Variants in DOCK4 observed in about 807,000 individuals in gnomAD.
DOCK4 encodes the protein dedicator of cytokinesis protein 4.
DOCK4 carries 97 observed loss-of-function variants against 268.1 expected under a neutral mutation model. The observed-to-expected ratio is 0.36, with a 90% CI of 0.31 to 0.43. The LOEUF (loss-of-function observed/expected upper bound fraction) is 0.43, where lower values mean the gene tolerates loss of function less well. DOCK4 is among the 20% of genes least tolerant of loss of function. DOCK4 has a pLI of 1.00. For missense variants in DOCK4, 2,145 were observed against 2,455.7 expected (o/e 0.87, Z 2.67); for synonymous variants, 954 against 887.2 (o/e 1.08, Z -1.34).
chr7:112,097,013 T>C (rs551305619), intron 1 of DOCK4, among the ~76,000 whole-genome samples: 22 of 152,198 alleles, frequency 1.4e-4, no homozygotes, highest in African/African-American at 5.3e-4. Context: ...TGGAGGACCT[T>C]AAAGCAGAGC....
In DOCK4 at chr7:111,788,662, A is replaced by G. The variant is rs1799335484; in HGVS notation, c.3401T>C (p.Ile1134Thr). ...DETYRELFNS[I>T]IPLFGPYPSL... The stretch of plus-strand genomic sequence containing the variant: ...AACTTGAGATAAACATATTACTCAC[A>G]TACTGTTGAAGAGCTCGCGGTATGT... Residue 1134 changes from isoleucine to threonine, a missense_variant and splice_region_variant, in exon 32 of 53, where the codon ATA becomes ACA. By Grantham distance (89) the Ile-to-Thr change is moderately conservative (BLOSUM62 -1). This residue lies in a region of DOCK4 where 1,598 missense variants were observed against 1,986.7 expected (regional missense o/e 0.80). Transcript: ENST00000428084. 2 of 1,576,770 alleles carry G rather than the reference A, an allele frequency of 1.3e-6. No homozygotes were observed. The highest frequency in any genetic ancestry group is 2.3e-5 in the East Asian group (1 of 43,672).
rs755759588 is a variant in DOCK4 at position 112,168,609 on chromosome 7, G to GT, written c.37+37492dup. ...GGTCCCAGCCACCTGGGAACCTGAG[G>GT]TAAGAAGATCGCTTGAACCTGGGAG... is the stretch of plus-strand genomic sequence containing the variant. On this transcript the variant is annotated intron_variant, in intron 1 of 52. Coordinates refer to ENST00000428084, the MANE Select transcript of DOCK4 (RefSeq NM_001363540.2). Among the ~76,000 whole-genome samples the GT allele has an allele frequency of 2.6e-5, 4 of 152,266 alleles. No homozygotes were observed. The South Asian group carries it at 6.2e-4, about 24-fold the overall frequency.
At chr7:112,179,263 G>C (rs190959396) in intron 1 of DOCK4, among the ~76,000 whole-genome samples, 11 of 152,152 alleles carry the variant, frequency 7.2e-5, no homozygotes, top group Admixed American at 6.5e-4. Flanking sequence ...GCATATGCCT[G>C]TAATCCCAGC....
At chr7:111,851,898 A>C (rs1004858190) in intron 23 of DOCK4, among the ~76,000 whole-genome samples, 6 of 151,284 alleles carry the variant, frequency 4.0e-5, no homozygotes, top group Admixed American at 3.3e-4. Flanking sequence ...AAAAGTGATA[A>C]GGAGTGCAAA....
At chr7:111,922,844 T>C (rs536672492) in intron 12 of DOCK4, among the ~76,000 whole-genome samples, 2 of 152,182 alleles carry the variant, frequency 1.3e-5, no homozygotes, top group African/African-American at 4.8e-5. Flanking sequence ...GCCTCCCATA[T>C]TGCTGGGATT....
chr7:112,006,688 G>A (rs1800892798), intron 1 of DOCK4, among the ~76,000 whole-genome samples: 1 of 152,176 alleles, frequency 6.6e-6, no homozygotes. Context: ...GTCTGCAAGA[G>A]GACTTTCAGC....
intron 1 of DOCK4, among the ~76,000 whole-genome samples, chr7:112,130,730 G>C (rs191779866): frequency 1.3e-5 from 2 of 152,260 alleles, no homozygotes; most frequent in African/African-American, 4.8e-5. Flanking sequence ...AGTAAATGTG[G>C]GGAAAAATAA....
chr7:112,093,780 C>T (rs146721693), intron 1 of DOCK4, among the ~76,000 whole-genome samples: 125 of 151,544 alleles, frequency 8.2e-4, no homozygotes, highest in African/African-American at 3.0e-3. Context: ...CTTTATAAAG[C>T]TTGCCTTTTA....
chr7:112,037,084 G>A (rs568811678), intron 1 of DOCK4, among the ~76,000 whole-genome samples: 1 of 152,280 alleles, frequency 6.6e-6, no homozygotes, highest in East Asian at 1.9e-4. Flanking sequence ...CTCCTGTGAT[G>A]CTGGGCAGTG....
chr7:111,931,224 T>G (rs1180886601), intron 12 of DOCK4, among the ~76,000 whole-genome samples: 1 of 152,162 alleles, frequency 6.6e-6, no homozygotes. Context: ...GGCTGCAAAA[T>G]GGGAATGGAT....
chr7:112,042,962 G>A (rs1378439507), intron 1 of DOCK4, among the ~76,000 whole-genome samples: 2 of 152,180 alleles, frequency 1.3e-5, no homozygotes, highest in South Asian at 2.1e-4. Context: ...CGCCCCGCCC[G>A]CAAGTTCTCC....
chr7:112,151,528 C>T lies in DOCK4; in HGVS notation c.37+54574G>A, dbSNP rs138333511. On this transcript the variant is annotated intron_variant, in intron 1 of 52. Transcript: ENST00000428084. Reference sequence around the variant, plus strand: ...TGTGAAGGCAGGCACTGTGGAAATTCAGAGGGACACCACTGGATCTAGAGC... The same window carrying T: ...TGTGAAGGCAGGCACTGTGGAAATTTAGAGGGACACCACTGGATCTAGAGC... Among the ~76,000 whole-genome samples the T allele has an allele frequency of 2.8e-3, 424 of 152,176 alleles. 3 individuals are homozygous for T. The highest frequency in any genetic ancestry group is 5.0e-3 in the South Asian group (24 of 4,812).
chr7:111,963,150 G>C (rs1797068480), intron 8 of DOCK4, among the ~76,000 whole-genome samples: 1 of 152,236 alleles, frequency 6.6e-6, no homozygotes, highest in Non-Finnish European at 1.5e-5. Context: ...TAGTCAACCA[G>C]TAAACAGCTT....
intron 12 of DOCK4, among the ~76,000 whole-genome samples, chr7:111,928,363 C>G (rs1341225797): frequency 7.2e-5 from 11 of 152,118 alleles, no homozygotes; most frequent in Admixed American, 7.2e-4. Context: ...ATACATAGCT[C>G]ATTTAGAAAA....
intron 1 of DOCK4, among the ~76,000 whole-genome samples, chr7:112,174,197 G>A (rs1203122206): frequency 1.3e-5 from 2 of 152,128 alleles, no homozygotes; most frequent in Admixed American, 1.3e-4. Flanking sequence ...CCCATCAGAC[G>A]TTAGTACACA....
Position 112,004,140 on chromosome 7 carries a change from A to C in DOCK4, c.38-9T>G. 6.4e-7 allele frequency: 1 copy of C among 1,564,098 alleles called. No individual in the cohort carries two copies. On this transcript the variant is annotated splice_polypyrimidine_tract_variant and intron_variant, in intron 1 of 52. Coordinates refer to ENST00000428084, the MANE Select transcript of DOCK4 (RefSeq NM_001363540.2). ...TCGGAAACTGGCAATAACTGTAAAAAATGATAAAGAATATATGAAGACAAT... is the reference window on the plus strand; with the variant it reads ...TCGGAAACTGGCAATAACTGTAAAACATGATAAAGAATATATGAAGACAAT...
intron 48 of DOCK4, 46 bp downstream of exon 48, chr7:111,739,349 GA>G (rs1357833810): frequency 6.3e-7 from 1 of 1,596,264 alleles, no homozygotes; most frequent in Non-Finnish European, 8.6e-7. Flanking sequence ...CCCAGGACTA[GA>G]AGGTTCTCTG....
At chr7:111,762,769 T>C (rs868279390) in intron 39 of DOCK4, among the ~76,000 whole-genome samples, 13,268 of 117,724 alleles carry the variant, frequency 0.11, 1,023 homozygotes, top group African/African-American at 0.17. Flanking sequence ...TTTCTTTTTT[T>C]TTTTTTTTTT....
intron 1 of DOCK4, among the ~76,000 whole-genome samples, chr7:112,142,789 T>C (rs1815060256): frequency 6.6e-6 from 1 of 152,170 alleles, no homozygotes; most frequent in African/African-American, 2.4e-5. Flanking sequence ...TATCTAGTAT[T>C]GCTTTGCATG....
Sources: gnomAD v4.1 joint callset for allele counts (sites outside exome capture counted in the v4.1 genomes callset) on GRCh38, gnomAD v4.1.1 for gene constraint, gnomAD v4.1.1 regional missense constraint, MANE v1.5 for transcripts, NCBI Gene and HGNC (gene_info 2026-07-23, HGNC 2026-07-21) for gene names.